The following CEP85 variants were observed in gnomAD, a reference collection of about 807,000 sequenced individuals.
CEP85 encodes centrosomal protein 85.
Under a neutral mutation model 93.7 loss-of-function variants are expected in CEP85, and 58 were observed. That is an observed-to-expected ratio of 0.62 (90% CI 0.50 to 0.77). CEP85 has a LOEUF of 0.77. Among genes scored for constraint, CEP85 ranks in the 30% least tolerant of loss-of-function variants. The probability of loss-of-function intolerance (pLI) is 0.00; values close to 1 mark genes in which losing one functional copy is unlikely to be tolerated. For missense variants in CEP85, 868 were observed against 922.0 expected (o/e 0.94, Z 0.76); for synonymous variants, 314 against 338.6 (o/e 0.93, Z 0.80).
chr1:26,277,273 G>A lies in CEP85; in HGVS notation c.2266G>A (p.Glu756Lys). 1 of 1,613,494 alleles carries A rather than the reference G, an allele frequency of 6.2e-7. No individual in the cohort carries two copies. Among genetic ancestry groups the A allele is most frequent in the Non-Finnish European group, 8.5e-7 (1 of 1,179,410 alleles). ...MSDRYAQDMG[E>K]NCVTQ is the part of the protein sequence containing the mutation. The stretch of plus-strand genomic sequence containing the variant: ...AGACAGATATGCCCAGGACATGGGA[G>A]AAAACTGTGTCACACAGTGAGGAAT... The change falls in exon 14 of 14, where the codon GAA becomes AAA. Residue 756 changes from glutamate to lysine, a missense_variant. Coordinates refer to ENST00000451429, the MANE Select transcript of CEP85 (RefSeq NM_001319944.2).
chr1:26,251,755 T>C (rs1445710554), intron 3 of CEP85, among the ~76,000 whole-genome samples: 1 of 152,100 alleles, frequency 6.6e-6, no homozygotes, highest in Non-Finnish European at 1.5e-5. Flanking sequence ...GGCTCAAAAC[T>C]GAATTTGGTG....
intron 2 of CEP85, among the ~76,000 whole-genome samples, chr1:26,243,685 T>C (rs755271283): frequency 2.6e-5 from 4 of 152,118 alleles, no homozygotes; most frequent in Non-Finnish European, 1.5e-5. Flanking sequence ...TTCTCACTTC[T>C]CATACTATTT....
intron 7 of CEP85, among the ~76,000 whole-genome samples, chr1:26,262,728 A>G (rs954704360): frequency 2.6e-5 from 4 of 152,190 alleles, no homozygotes; most frequent in African/African-American, 9.7e-5. Context: ...AATAAAGGCC[A>G]AGCTTGCAAA....
At chr1:26,256,928 G>GTTTTGGTGTGTGTGTGTGT (rs199539021) in intron 4 of CEP85, among the ~76,000 whole-genome samples, 1 of 111,492 alleles carries the variant, frequency 9.0e-6, no homozygotes, top group Admixed American at 9.2e-5. Context: ...GTTTTGTTTT[G>GTTTTGGTGTGTGTGTGTGT]GTGTGTGTGT....
chr1:26,243,222 C>T (rs2089456042), intron 2 of CEP85, among the ~76,000 whole-genome samples: 1 of 150,320 alleles, frequency 6.7e-6, no homozygotes, highest in Admixed American at 6.7e-5. Flanking sequence ...AACCTCGAAG[C>T]AATGATTTTC....
chr1:26,260,433 G>A (rs536406031), intron 7 of CEP85, among the ~76,000 whole-genome samples: 1 of 151,784 alleles, frequency 6.6e-6, no homozygotes, highest in African/African-American at 2.4e-5. Context: ...AGAGGTTGCA[G>A]TGAACCAGGA....
At chr1:26,268,423 A>C in intron 7 of CEP85, 60 bp from the exon 8 acceptor site, 2 of 1,599,364 alleles carry the variant, frequency 1.3e-6, no homozygotes, top group Non-Finnish European at 1.7e-6. Flanking sequence ...ACAGCACTGC[A>C]CTCCAGCAGG....
At chr1:26,240,666 G>A (rs889349655) in intron 2 of CEP85, among the ~76,000 whole-genome samples, 8 of 152,258 alleles carry the variant, frequency 5.3e-5, no homozygotes, top group African/African-American at 1.7e-4. Flanking sequence ...AGCCCAAGGC[G>A]GGTGGATCAC....
chr1:26,259,283 A>G (rs557609774), intron 6 of CEP85, among the ~76,000 whole-genome samples: 3 of 152,346 alleles, frequency 2.0e-5, no homozygotes, highest in Admixed American at 2.0e-4. Flanking sequence ...CTTCCAGTAT[A>G]CAATGGCTTA....
At position 26,256,517 on chromosome 1, in the gene CEP85, C is replaced by T. The variant is rs566497341; in HGVS notation, c.903+652C>T. Among the ~76,000 whole-genome samples, 6 of 151,726 alleles carry T rather than the reference C, an allele frequency of 4.0e-5. No homozygotes were observed. The East Asian group carries it at 7.8e-4, about 20-fold the overall frequency. On this transcript the variant is annotated intron_variant, in intron 4 of 13. Coordinates refer to ENST00000451429, the MANE Select transcript of CEP85 (RefSeq NM_001319944.2). ...TTGCACTCCAGTCTGGATGACAGAG[C>T]GAGGCTCTGTCTCAAAAAATAAATA...
At chr1:26,263,734 T>A (rs548347293) in intron 7 of CEP85, among the ~76,000 whole-genome samples, 2 of 152,034 alleles carry the variant, frequency 1.3e-5, no homozygotes. Flanking sequence ...ACCCCACAAT[T>A]GTGTATCTAT....
rs563936653 is a variant in CEP85, at chr1:26,265,983, G to A, written c.1342-2500G>A. The stretch of plus-strand genomic sequence containing the variant: ...AGCACTTTGGGAGGCCGAGGTGGGT[G>A]GATCACCTAAGGTCAGGAGTTCAAG... On this transcript the variant is annotated intron_variant, in intron 7 of 13. Coordinates refer to ENST00000451429, the MANE Select transcript of CEP85 (RefSeq NM_001319944.2). Among the ~76,000 whole-genome samples the A allele has an allele frequency of 2.6e-5, 4 of 152,148 alleles. No homozygotes were observed. In the South Asian group the frequency reaches 8.3e-4, roughly 32 times the overall value.
At chr1:26,234,985 C>T (rs2089302339) in intron 1 of CEP85, among the ~76,000 whole-genome samples, 1 of 152,166 alleles carries the variant, frequency 6.6e-6, no homozygotes, top group Non-Finnish European at 1.5e-5. Context: ...GTGTAGGACG[C>T]CCCCAACAAC....
chr1:26,241,777 T>C (rs2089430609), intron 2 of CEP85, among the ~76,000 whole-genome samples: 2 of 152,054 alleles, frequency 1.3e-5, no homozygotes, highest in African/African-American at 2.4e-5. Context: ...TTTTTTTTTT[T>C]TGGAGACGGA....
At chr1:26,276,860 G>T (rs2090060815) in intron 13 of CEP85, 100 bp downstream of exon 13, 9 of 969,322 alleles carry the variant, frequency 9.3e-6, no homozygotes, top group African/African-American at 1.6e-5. Context: ...TATGTAGACA[G>T]AGTACATAGT....
intron 4 of CEP85, among the ~76,000 whole-genome samples, 153 bp from the exon 5 acceptor site, chr1:26,257,444 C>T (rs546368832): frequency 6.6e-6 from 1 of 152,336 alleles, no homozygotes; most frequent in East Asian, 1.9e-4. Flanking sequence ...TCTTTCCAGT[C>T]ATGCCTCAGA....
At chr1:26,275,719 G>A (rs2090044448) in intron 12 of CEP85, among the ~76,000 whole-genome samples, 1 of 152,152 alleles carries the variant, frequency 6.6e-6, no homozygotes, top group African/African-American at 2.4e-5. Flanking sequence ...TCAGCAGGGG[G>A]CAACCAAGTT....
chr1:26,273,114 T>A (rs546366148), intron 11 of CEP85, among the ~76,000 whole-genome samples: 75 of 152,030 alleles, frequency 4.9e-4, no homozygotes, highest in Non-Finnish European at 1.0e-3. Flanking sequence ...CAGATTTAAG[T>A]GACTTTAGGA....
chr1:26,262,972 G>C (rs954542995), intron 7 of CEP85: 1 of 153,140 alleles, frequency 6.5e-6, no homozygotes, highest in Admixed American at 6.5e-5. Flanking sequence ...CCTGGCCTCA[G>C]GTGATTCACC....
Sources: gnomAD v4.1 joint callset for allele counts (sites outside exome capture counted in the v4.1 genomes callset) on GRCh38, gnomAD v4.1.1 for gene constraint, MANE v1.5 for transcripts, NCBI Gene and HGNC (gene_info 2026-07-23, HGNC 2026-07-21) for gene names.